Variants in GALNT13 observed in about 807,000 individuals in gnomAD.
GALNT13 encodes UDP-GalNAc:polypeptide N-acetylgalactosaminyltransferase 13.
A neutral mutation model predicts 64.2 loss-of-function variants in GALNT13; 28 were observed. The observed-to-expected ratio is 0.44, with a 90% CI of 0.32 to 0.60. The LOEUF is 0.60. GALNT13 is among the 20% of genes least tolerant of loss of function. The pLI, the probability that GALNT13 is intolerant of heterozygous loss-of-function variation, is 0.05. For synonymous variants in GALNT13, 214 were observed against 224.6 expected (o/e 0.95, Z 0.42); for missense variants, 577 against 669.8 (o/e 0.86, Z 1.53).
chr2:153,645,139 T>G, the GALNT13 span, among the ~76,000 whole-genome samples: 2 of 152,150 alleles, frequency 1.3e-5, no homozygotes, highest in African/African-American at 4.8e-5. Context: ...GCAAGGTTAC[T>G]TGAGATTACA....
the GALNT13 span, among the ~76,000 whole-genome samples, chr2:153,271,377 T>C: frequency 3.9e-4 from 60 of 152,292 alleles, no homozygotes; most frequent in East Asian, 9.1e-3. Flanking sequence ...AACCCCATCA[T>C]CACAGCCTCA....
the GALNT13 span, among the ~76,000 whole-genome samples, chr2:153,774,384 TAGG>T: frequency 3.3e-5 from 5 of 152,184 alleles, no homozygotes; most frequent in East Asian, 1.9e-4. Context: ...AGAAAAATAA[TAGG>T]AGAAGATGGC....
the GALNT13 span, among the ~76,000 whole-genome samples, chr2:153,110,157 A>G: frequency 6.6e-6 from 1 of 152,136 alleles, no homozygotes; most frequent in Non-Finnish European, 1.5e-5. Context: ...CATAAATTCT[A>G]TCAGTAAACA....
At chr2:153,440,491 G>A in the GALNT13 span, among the ~76,000 whole-genome samples, 2 of 152,116 alleles carry the variant, frequency 1.3e-5, no homozygotes, top group Non-Finnish European at 1.5e-5. Flanking sequence ...GGGTCAAATG[G>A]TATTTCTGGT....
the GALNT13 span, among the ~76,000 whole-genome samples, chr2:153,805,415 A>G: frequency 6.6e-6 from 1 of 152,112 alleles, no homozygotes; most frequent in Non-Finnish European, 1.5e-5. Flanking sequence ...TTTCAAATAT[A>G]AAGGTCACAG....
the GALNT13 span, among the ~76,000 whole-genome samples, chr2:153,259,079 C>T: frequency 6.6e-6 from 1 of 152,076 alleles, no homozygotes; most frequent in Non-Finnish European, 1.5e-5. Flanking sequence ...TATTAGCTCT[C>T]ATATTTGCTT....
At chr2:154,420,307 A>G (rs1700194578) in intron 11 of GALNT13, among the ~76,000 whole-genome samples, 1 of 152,108 alleles carries the variant, frequency 6.6e-6, no homozygotes, top group Non-Finnish European at 1.5e-5. Flanking sequence ...AGCTCCTGTT[A>G]TATACAGATG....
intron 3 of GALNT13, among the ~76,000 whole-genome samples, chr2:153,946,465 A>T (rs1420162310): frequency 6.6e-6 from 1 of 152,090 alleles, no homozygotes; most frequent in Non-Finnish European, 1.5e-5. Flanking sequence ...AAAAATATAG[A>T]CTTGGTGGCT....
the GALNT13 span, among the ~76,000 whole-genome samples, chr2:153,221,573 C>T: frequency 2.0e-5 from 3 of 152,160 alleles, no homozygotes; most frequent in Non-Finnish European, 4.4e-5. Context: ...GTGCCTTTGC[C>T]GGAGTTTTGC....
At chr2:154,065,979 A>T (rs1012423010) in intron 3 of GALNT13, among the ~76,000 whole-genome samples, 1 of 152,216 alleles carries the variant, frequency 6.6e-6, no homozygotes, top group Non-Finnish European at 1.5e-5. Context: ...AATTCAAGAT[A>T]ACAAAGAGAA....
Position 154,437,588 on chromosome 2 carries a change from G to A in GALNT13, c.1396-1004G>A, listed in dbSNP as rs967234918. The stretch of plus-strand genomic sequence containing the variant: ...TAACCCTCATGAGGCTGGGCATGGC[G>A]GCTCACACCTGTAATCCCAGCACTT... On this transcript the variant is annotated intron_variant, in intron 11 of 12. Coordinates refer to ENST00000392825, the MANE Select transcript of GALNT13 (RefSeq NM_052917.4). 3.2e-6 allele frequency: 4 copies of A among 1,263,544 alleles called. No individual in the cohort carries two copies. The South Asian group carries it at 3.7e-5, about 12-fold the overall frequency. The allele number at this position is 1,263,544 out of a possible 1,614,324, so 78.3% of individuals were successfully genotyped here. A position where few individuals can be genotyped will look rare whatever the true frequency, so the allele number is the denominator to read the frequency against.
chr2:153,092,829 C>G, the GALNT13 span, among the ~76,000 whole-genome samples: 1 of 152,078 alleles, frequency 6.6e-6, no homozygotes, highest in Non-Finnish European at 1.5e-5. Flanking sequence ...CTCTCTTTCA[C>G]TTTTCTATTG....
chr2:153,460,261 A>C, the GALNT13 span, among the ~76,000 whole-genome samples: 1 of 152,064 alleles, frequency 6.6e-6, no homozygotes, highest in Admixed American at 6.6e-5. Flanking sequence ...AGCATGAAAA[A>C]CCATATAGTA....
At chr2:153,329,934 A>C in the GALNT13 span, among the ~76,000 whole-genome samples, 1 of 152,186 alleles carries the variant, frequency 6.6e-6, no homozygotes, top group African/African-American at 2.4e-5. Context: ...TGTTTAATTT[A>C]TCTTGAGATA....
At chr2:153,403,266 G>A in the GALNT13 span, among the ~76,000 whole-genome samples, 3 of 151,334 alleles carry the variant, frequency 2.0e-5, no homozygotes, top group African/African-American at 7.3e-5. Context: ...GGACCCACTT[G>A]AGGAGGCAGT....
the GALNT13 span, among the ~76,000 whole-genome samples, chr2:153,343,310 A>G: frequency 6.6e-6 from 1 of 152,220 alleles, no homozygotes; most frequent in Non-Finnish European, 1.5e-5. Context: ...TTTATAAAAC[A>G]TTCTTAACTA....
intron 3 of GALNT13, among the ~76,000 whole-genome samples, chr2:153,957,831 CT>C (rs1301281480): frequency 2.0e-5 from 3 of 152,218 alleles, no homozygotes; most frequent in Non-Finnish European, 4.4e-5. Flanking sequence ...TACCCATATA[CT>C]TTTTCCTTTG....
chr2:154,402,596 G>A (rs1247963722), intron 10 of GALNT13, among the ~76,000 whole-genome samples: 2 of 152,284 alleles, frequency 1.3e-5, no homozygotes, highest in East Asian at 3.9e-4. Context: ...AGTCAAAAAA[G>A]TTTACCAGAT....
intron 9 of GALNT13, among the ~76,000 whole-genome samples, chr2:154,314,033 C>T (rs1413228598): frequency 8.5e-5 from 13 of 152,076 alleles, no homozygotes; most frequent in Admixed American, 7.9e-4. Flanking sequence ...TACAAATGAT[C>T]AAGAACACTT....
Sources: gnomAD v4.1 joint callset for allele counts (sites outside exome capture counted in the v4.1 genomes callset) on GRCh38, gnomAD v4.1.1 for gene constraint, MANE v1.5 for transcripts, NCBI Gene and HGNC (gene_info 2026-07-23, HGNC 2026-07-21) for gene names.